Variants in PRR16 observed in about 807,000 individuals in gnomAD.
PRR16 encodes the protein proline rich 16.
A neutral mutation model predicts 18.2 loss-of-function variants in PRR16; 6 were observed. The ratio of observed to expected loss-of-function variants is 0.33; its 90% confidence interval spans 0.18 to 0.65. PRR16 has a LOEUF of 0.65. PRR16 is among the 30% of genes least tolerant of loss of function. PRR16 has a pLI of 0.74. For missense variants in PRR16, 412 were observed against 376.6 expected, an observed-to-expected ratio of 1.09 and a Z score of -0.78; for synonymous variants, 151 against 147.8, an observed-to-expected ratio of 1.02 and a Z score of -0.16.
chr5:120,568,390 C>T (rs1217553394), intron 1 of PRR16, among the ~76,000 whole-genome samples: 2 of 152,058 alleles, frequency 1.3e-5, no homozygotes, highest in Admixed American at 1.3e-4. Flanking sequence ...AAGAGATGAA[C>T]TTAATGTCAT....
At chr5:120,623,545 G>A (rs1754757776) in intron 1 of PRR16, among the ~76,000 whole-genome samples, 1 of 152,056 alleles carries the variant, frequency 6.6e-6, no homozygotes, top group African/African-American at 2.4e-5. Flanking sequence ...CCTACCTTAT[G>A]CCGTTGTTTT....
intron 1 of PRR16, among the ~76,000 whole-genome samples, chr5:120,533,113 T>A (rs908276909): frequency 6.6e-6 from 1 of 152,206 alleles, no homozygotes; most frequent in Non-Finnish European, 1.5e-5. Flanking sequence ...ATAGGATAGT[T>A]TACCCTGTAA....
At chr5:120,506,373 A>C (rs2112850493) in intron 1 of PRR16, among the ~76,000 whole-genome samples, 1 of 152,260 alleles carries the variant, frequency 6.6e-6, no homozygotes, top group Non-Finnish European at 1.5e-5. Flanking sequence ...CTATTTCTAA[A>C]GATAAATAAA....
intron 1 of PRR16, among the ~76,000 whole-genome samples, chr5:120,481,840 A>G (rs146674431): frequency 2.0e-3 from 300 of 152,252 alleles, no homozygotes; most frequent in African/African-American, 6.9e-3. Flanking sequence ...AAATTGTTTA[A>G]TGGTTATATT....
chr5:120,694,645 A>C, the PRR16 span, among the ~76,000 whole-genome samples: 57 of 150,724 alleles, frequency 3.8e-4, no homozygotes, highest in African/African-American at 1.3e-3. Context: ...AGATTGCGCC[A>C]CTGCACTCCA....
At chr5:120,633,990 A>T (rs1303339093) in intron 1 of PRR16, among the ~76,000 whole-genome samples, 4 of 152,174 alleles carry the variant, frequency 2.6e-5, no homozygotes, top group African/African-American at 9.6e-5. Flanking sequence ...GAATATACAT[A>T]CTATTCATTA....
chr5:120,702,237 A>G, the PRR16 span, among the ~76,000 whole-genome samples: 1 of 146,562 alleles, frequency 6.8e-6, no homozygotes, highest in South Asian at 2.2e-4. Flanking sequence ...GTCGGGACAC[A>G]GAAATAAGGG....
At chr5:120,474,458 A>G (rs1580615084) in intron 1 of PRR16, among the ~76,000 whole-genome samples, 2 of 152,226 alleles carry the variant, frequency 1.3e-5, no homozygotes, top group Middle Eastern at 3.4e-3. Flanking sequence ...TACTTTGAGA[A>G]CTACTGCTCT....
At chr5:120,654,058 G>C (rs1217425941) in intron 1 of PRR16, among the ~76,000 whole-genome samples, 1 of 152,040 alleles carries the variant, frequency 6.6e-6, no homozygotes, top group Admixed American at 6.6e-5. Flanking sequence ...TTTGTAACTA[G>C]TAGATGTGAC....
chr5:120,732,252 T>C, the PRR16 span, among the ~76,000 whole-genome samples: 1 of 152,164 alleles, frequency 6.6e-6, no homozygotes, highest in African/African-American at 2.4e-5. Flanking sequence ...AATTACAACA[T>C]GTAGGGCTGG....
intron 1 of PRR16, among the ~76,000 whole-genome samples, chr5:120,521,396 G>T (rs1392640878): frequency 6.6e-6 from 1 of 151,768 alleles, no homozygotes; most frequent in African/African-American, 2.4e-5. Context: ...TTGTTATTTG[G>T]TTCTAATGGG....
At chr5:120,728,706 C>T in the PRR16 span, among the ~76,000 whole-genome samples, 1 of 152,152 alleles carries the variant, frequency 6.6e-6, no homozygotes, top group Middle Eastern at 3.2e-3. Flanking sequence ...GCGTGCTTTT[C>T]TGCATCTGGG....
chr5:120,690,232 C>G (rs1243218643), downstream of PRR16, among the ~76,000 whole-genome samples: 1 of 152,156 alleles, frequency 6.6e-6, no homozygotes, highest in Non-Finnish European at 1.5e-5. Flanking sequence ...GACCTTGAAT[C>G]TACAGAGTCT....
At chr5:120,543,642 C>G (rs893290992) in intron 1 of PRR16, among the ~76,000 whole-genome samples, 1 of 152,160 alleles carries the variant, frequency 6.6e-6, no homozygotes, top group Non-Finnish European at 1.5e-5. Context: ...TATTTTATTT[C>G]TATCAGAAAT....
intron 1 of PRR16, among the ~76,000 whole-genome samples, chr5:120,607,208 G>A (rs1275600967): frequency 6.6e-6 from 1 of 152,152 alleles, no homozygotes; most frequent in Non-Finnish European, 1.5e-5. Context: ...CATTGTTCAT[G>A]TAGGCAGATG....
At chr5:120,549,600 C>T (rs1160343490) in intron 1 of PRR16, among the ~76,000 whole-genome samples, 1 of 151,838 alleles carries the variant, frequency 6.6e-6, no homozygotes, top group Non-Finnish European at 1.5e-5. Flanking sequence ...CTCAGGCAGG[C>T]CTCCTTTCTT....
At chr5:120,706,420 T>G in the PRR16 span, among the ~76,000 whole-genome samples, 1 of 152,150 alleles carries the variant, frequency 6.6e-6, no homozygotes, top group Admixed American at 6.5e-5. Context: ...GCTCAGTGGA[T>G]AGAAATAGCA....
chr5:120,771,268 T>C, the PRR16 span, among the ~76,000 whole-genome samples: 1 of 152,080 alleles, frequency 6.6e-6, no homozygotes, highest in African/African-American at 2.4e-5. Context: ...AAAGAAGGAA[T>C]TTTTAAAGCT....
the PRR16 span, among the ~76,000 whole-genome samples, chr5:120,734,135 G>A: frequency 6.6e-6 from 1 of 152,156 alleles, no homozygotes; most frequent in Non-Finnish European, 1.5e-5. Context: ...TTGCACATGT[G>A]TTCATTCCTC....
Sources: gnomAD v4.1 joint callset for allele counts (sites outside exome capture counted in the v4.1 genomes callset) on GRCh38, gnomAD v4.1.1 for gene constraint, MANE v1.5 for transcripts, NCBI Gene and HGNC (gene_info 2026-07-23, HGNC 2026-07-21) for gene names.